Variants in DCDC1 observed in about 807,000 individuals in gnomAD.
DCDC1 encodes doublecortin domain containing 1, also known as doublecortin domain-containing protein 1.
In DCDC1, 200 loss-of-function variants were observed where a neutral mutation model predicts 178.3. The ratio of observed to expected loss-of-function variants is 1.12; its 90% CI spans 1.00 to 1.26. The LOEUF (loss-of-function observed/expected upper bound fraction) is 1.26. Among genes scored for constraint, DCDC1 ranks in the 50% most tolerant of loss-of-function variants. DCDC1 has a pLI of 0.00. For missense variants in DCDC1, 1,983 were observed against 1,749.2 expected, an observed-to-expected ratio of 1.13 and a Z score of -2.38; for synonymous variants, 690 against 604.8, an observed-to-expected ratio of 1.14 and a Z score of -2.07.
intron 34 of DCDC1, 65 bp downstream of exon 34, chr11:30,899,476 C>T: frequency 3.8e-6 from 4 of 1,049,820 alleles, no homozygotes; most frequent in Non-Finnish European, 5.2e-6. Context: ...TAGAAAATAA[C>T]CATTAGCAAT....
intron 9 of DCDC1, among the ~76,000 whole-genome samples, chr11:31,203,061 A>G (rs113294867): frequency 1.3e-5 from 2 of 152,274 alleles, no homozygotes; most frequent in African/African-American, 4.8e-5. Flanking sequence ...CACAGAGGAA[A>G]GGAGGAGAGG....
chr11:30,973,785 A>G (rs976127455), intron 20 of DCDC1, among the ~76,000 whole-genome samples: 3 of 152,236 alleles, frequency 2.0e-5, no homozygotes, highest in Non-Finnish European at 4.4e-5. Context: ...GTAATACAGT[A>G]ACAGTTGGAT....
intron 21 of DCDC1, among the ~76,000 whole-genome samples, chr11:30,938,846 G>C (rs1302800875): frequency 6.6e-6 from 1 of 152,122 alleles, no homozygotes; most frequent in Non-Finnish European, 1.5e-5. Context: ...ATGTTGGAGG[G>C]GGCCACGTTG....
At chr11:30,970,766 C>T (rs780668458) in intron 20 of DCDC1, among the ~76,000 whole-genome samples, 7 of 152,224 alleles carry the variant, frequency 4.6e-5, no homozygotes, top group Non-Finnish European at 8.8e-5. Context: ...TGATCCTTCC[C>T]CCAACTCAAC....
intron 36 of DCDC1, among the ~76,000 whole-genome samples, chr11:30,884,371 T>C (rs1440691959): frequency 4.6e-5 from 7 of 152,112 alleles, no homozygotes. Context: ...TGTTTTCCTC[T>C]CTTTTTTTTG....
chr11:30,967,577 G>A (rs1949508804), intron 20 of DCDC1, among the ~76,000 whole-genome samples: 1 of 152,152 alleles, frequency 6.6e-6, no homozygotes, highest in Non-Finnish European at 1.5e-5. Context: ...AGGCTCCTGG[G>A]GCCTGGGATC....
At chr11:31,344,756 T>C (rs193246785) in intron 1 of DCDC1, among the ~76,000 whole-genome samples, 1 of 152,330 alleles carries the variant, frequency 6.6e-6, no homozygotes, top group East Asian at 1.9e-4. Flanking sequence ...ATTCTTGCCT[T>C]CTATATATAG....
chr11:31,295,871 A>G (rs1947649538), intron 6 of DCDC1, among the ~76,000 whole-genome samples: 2 of 151,698 alleles, frequency 1.3e-5, no homozygotes, highest in African/African-American at 4.8e-5. Context: ...TCAAAGCATC[A>G]TTTTTTTTCC....
At chr11:31,323,279 T>C (rs1401773419) in intron 3 of DCDC1, among the ~76,000 whole-genome samples, 1 of 152,186 alleles carries the variant, frequency 6.6e-6, no homozygotes, top group Non-Finnish European at 1.5e-5. Context: ...TATCACACAA[T>C]TTGGATGTGA....
chr11:30,873,840 A>G (rs1941870724), intron 38 of DCDC1, among the ~76,000 whole-genome samples: 1 of 152,188 alleles, frequency 6.6e-6, no homozygotes, highest in Non-Finnish European at 1.5e-5. Context: ...TATATGTACC[A>G]CAGCACTGAT....
intron 9 of DCDC1, among the ~76,000 whole-genome samples, chr11:31,185,588 G>T (rs1969377692): frequency 6.6e-6 from 1 of 152,142 alleles, no homozygotes; most frequent in African/African-American, 2.4e-5. Context: ...GAAGGTTTTA[G>T]ACTCACTGTC....
At chr11:31,049,440 G>C (rs1392927921) in intron 20 of DCDC1, among the ~76,000 whole-genome samples, 1 of 152,186 alleles carries the variant, frequency 6.6e-6, no homozygotes, top group African/African-American at 2.4e-5. Flanking sequence ...AATATTCAGA[G>C]ACTGAACAAA....
In DCDC1 at chr11:31,213,106, T is replaced by C. The variant is rs527829938; in HGVS notation, c.1221+28344A>G. Among the ~76,000 whole-genome samples the C allele has an allele frequency of 6.2e-4, 13 of 21,008 alleles. No homozygotes were observed. The South Asian group carries it at 0.026, about 42-fold the overall frequency. 13.8% of individuals were successfully genotyped at this position (21,008 alleles called of 152,430 possible). A position where few individuals can be genotyped will look rare whatever the true frequency, so the allele number is the denominator to read the frequency against. On this transcript the variant is annotated intron_variant, in intron 9 of 38. Coordinates refer to ENST00000684477, the MANE Select transcript of DCDC1 (RefSeq NM_001387274.1). ...TCTTCTATATAAAGCCCAGCCTCTC[T>C]CTCTCTCTCTCTCTCTCTCTCTCTC...
At chr11:31,141,925 G>T (rs1422854214) in intron 9 of DCDC1, among the ~76,000 whole-genome samples, 1 of 152,220 alleles carries the variant, frequency 6.6e-6, no homozygotes, top group African/African-American at 2.4e-5. Context: ...GTTAGTTACT[G>T]AAAAGAGCTC....
intron 18 of DCDC1, among the ~76,000 whole-genome samples, chr11:31,072,581 C>T (rs1474111265): frequency 2.0e-5 from 3 of 152,010 alleles, no homozygotes; most frequent in Non-Finnish European, 4.4e-5. Flanking sequence ...ATATTTTCTT[C>T]TGTTTTATGG....
At chr11:31,210,635 C>T (rs1361276438) in intron 9 of DCDC1, among the ~76,000 whole-genome samples, 1 of 149,684 alleles carries the variant, frequency 6.7e-6, no homozygotes, top group African/African-American at 2.5e-5. Flanking sequence ...CACTTGAACC[C>T]GGGAGGCAGA....
intron 11 of DCDC1, among the ~76,000 whole-genome samples, chr11:31,117,082 A>C (rs1960074503): frequency 6.6e-6 from 1 of 152,138 alleles, no homozygotes; most frequent in African/African-American, 2.4e-5. Flanking sequence ...TTGAAATTTC[A>C]GTTAGAGATT....
chr11:31,280,005 T>C (rs1946310142), intron 7 of DCDC1, among the ~76,000 whole-genome samples: 1 of 152,100 alleles, frequency 6.6e-6, no homozygotes, highest in Non-Finnish European at 1.5e-5. Flanking sequence ...AAACTCAATT[T>C]AAACATAAAA....
At chr11:31,210,570 G>T (rs949374548) in intron 9 of DCDC1, among the ~76,000 whole-genome samples, 8 of 151,956 alleles carry the variant, frequency 5.3e-5, no homozygotes, top group Non-Finnish European at 1.0e-4. Context: ...AATTAGCTGG[G>T]CATGGTGGCA....
Sources: gnomAD v4.1 joint callset for allele counts (sites outside exome capture counted in the v4.1 genomes callset) on GRCh38, gnomAD v4.1.1 for gene constraint, MANE v1.5 for transcripts, NCBI Gene and HGNC (gene_info 2026-07-23, HGNC 2026-07-21) for gene names.